KLHL30: variants seen among roughly 807,000 people sequenced by gnomAD.
KLHL30 encodes kelch-like protein 30.
A neutral mutation model predicts 55.0 loss-of-function variants in KLHL30; 55 were observed. The ratio of observed to expected loss-of-function variants is 1.00; its 90% CI spans 0.80 to 1.25. The LOEUF (loss-of-function observed/expected upper bound fraction) is 1.25. Ranked by LOEUF, KLHL30 falls within the 50% of genes most tolerant of loss-of-function variation. The probability of loss-of-function intolerance (pLI) is 0.00; values close to 1 mark genes in which losing one functional copy is unlikely to be tolerated. For synonymous variants in KLHL30, 356 were observed against 372.6 expected (o/e 0.96, Z 0.51); for missense variants, 786 against 811.6 (o/e 0.97, Z 0.38).
chr2:238,143,703 G>A (rs1243985641), intron 3 of KLHL30, among the ~76,000 whole-genome samples: 1 of 152,262 alleles, frequency 6.6e-6, no homozygotes, highest in African/African-American at 2.4e-5. Context: ...GAGGCCAGCT[G>A]TTCGGGTCAG....
rs1386535115 is a variant in KLHL30 at position 238,141,442 on chromosome 2, C to A, written c.688C>A (p.Pro230Thr). The A allele has an allele frequency of 6.5e-7, 1 of 1,545,334 alleles. No individual in the cohort carries two copies. Among genetic ancestry groups the A allele is most frequent in the Non-Finnish European group, 8.7e-7 (1 of 1,151,546 alleles). The change falls in exon 2 of 8, where the codon CCC becomes ACC. Residue 230 changes from proline (P) to threonine (T), a missense_variant. Physicochemically the swap from Pro to Thr is conservative, Grantham distance 38. Transcript: ENST00000409223. ...AGTGCACCTGGACGCCGTGCCCAGG[C>A]CCTGCGTGCAGCAACTGCTGGCCTC... is the stretch of plus-strand genomic sequence containing the variant. ...SLVHLDAVPR[P>T]CVQQLLASEP... is the part of the protein sequence containing the mutation.
Position 238,140,853 on chromosome 2 carries a change from C to G in KLHL30, c.99C>G (p.Ala33=), listed in dbSNP as rs575723025. 6.8e-6 allele frequency: 11 copies of G among 1,610,690 alleles called. No individual in the cohort carries two copies. In the Admixed American group the frequency reaches 1.3e-4, roughly 20 times the overall value. The change falls in exon 2 of 8, where the codon GCC becomes GCG. Residue 33 remains alanine, a synonymous_variant. Coordinates refer to ENST00000409223, the MANE Select transcript of KLHL30 (RefSeq NM_198582.4). ...LQRLRSQPKL[A]DVTLLVGGRE... ...GCCTGCGCTCTCAGCCCAAGCTGGCCGACGTCACACTGCTGGTGGGCGGCC... is the reference window on the plus strand; with the variant it reads ...GCCTGCGCTCTCAGCCCAAGCTGGCGGACGTCACACTGCTGGTGGGCGGCC...
intron 1 of KLHL30, among the ~76,000 whole-genome samples, chr2:238,139,721 C>A (rs1391698654): frequency 2.6e-5 from 4 of 152,176 alleles, no homozygotes; most frequent in Non-Finnish European, 5.9e-5. Flanking sequence ...CGCGCGGCCG[C>A]CTCTCCTGCC....
chr2:238,147,809 A>G lies in KLHL30; in HGVS notation c.1151-25A>G. 7.2e-7 allele frequency: 1 copy of G among 1,384,788 alleles called. No homozygotes were observed. Among genetic ancestry groups the G allele is most frequent in the South Asian group, 1.6e-5 (1 of 60,746 alleles). 85.8% of individuals were successfully genotyped at this position (1,384,788 alleles called of 1,614,324 possible). A position where few individuals can be genotyped will look rare whatever the true frequency, so the allele number is the denominator to read the frequency against. Reference sequence around the variant, plus strand: ...GCCTCCCCTCTCCTCCCCAGCCCTGAACTGCCCCCGCCCTCACCCCACAGG... The same window carrying G: ...GCCTCCCCTCTCCTCCCCAGCCCTGGACTGCCCCCGCCCTCACCCCACAGG... On this transcript the variant is annotated intron_variant, in intron 5 of 7. Transcript: ENST00000409223. This position sits in a 1 kb window ranked among gnomAD's most constrained non-coding sequence, Gnocchi z 5.8.
In KLHL30 at chr2:238,152,129, C is replaced by T; in HGVS notation, c.*1064C>T. ...TGGGGCTAGAAGTCAGGAGTCGGGC[C>T]CGGCCAGGCACAGGCCCTGGTGTTG... On this transcript the variant is annotated 3_prime_UTR_variant, in exon 8 of 8. Transcript: ENST00000409223. 1 of 985,478 alleles carries T rather than the reference C, an allele frequency of 1.0e-6. No homozygotes were observed. Among genetic ancestry groups the T allele is most frequent in the South Asian group, 4.7e-5 (1 of 21,292 alleles). 61.0% of individuals were successfully genotyped at this position (985,478 alleles called of 1,614,324 possible).
chr2:238,141,407 T>C lies in KLHL30; in HGVS notation c.653T>C (p.Leu218Pro), dbSNP rs756737441. The C allele has an allele frequency of 6.3e-7, 1 of 1,581,154 alleles. No homozygotes were observed. Among genetic ancestry groups the C allele is most frequent in the Non-Finnish European group, 8.6e-7 (1 of 1,169,498 alleles). Reference sequence around the variant, plus strand: ...GCCCGGGCCGCCCACCTGCCCGAGCTGCTCAGCCTAGTGCACCTGGACGCC... The same window carrying C: ...GCCCGGGCCGCCCACCTGCCCGAGCCGCTCAGCCTAGTGCACCTGGACGCC... ...PQARAAHLPE[L>P]LSLVHLDAVP... Residue 218 changes from leucine to proline, a missense_variant, in exon 2 of 8, where the codon CTG becomes CCG. Physicochemically the swap from Leu to Pro is moderately conservative, Grantham distance 98 (BLOSUM62 -3). Coordinates refer to ENST00000409223, the MANE Select transcript of KLHL30 (RefSeq NM_198582.4).
chr2:238,151,684 C>T lies in KLHL30; in HGVS notation c.*619C>T. Reference sequence around the variant, plus strand: ...GCATGTTGGTGCTGTGTTTCTGCTTCTGTGGACAAAGGAGGCCCCCACCCA... The same window carrying T: ...GCATGTTGGTGCTGTGTTTCTGCTTTTGTGGACAAAGGAGGCCCCCACCCA... On this transcript the variant is annotated 3_prime_UTR_variant, in exon 8 of 8. Coordinates refer to ENST00000409223, the MANE Select transcript of KLHL30 (RefSeq NM_198582.4). 6.3e-6 allele frequency: 1 copy of T among 159,570 alleles called. No individual in the cohort carries two copies. The highest frequency in any genetic ancestry group is 1.3e-5 in the Non-Finnish European group (1 of 74,414). 9.9% of individuals were successfully genotyped at this position (159,570 alleles called of 1,614,324 possible). A position where few individuals can be genotyped will look rare whatever the true frequency, so the allele number is the denominator to read the frequency against.
In KLHL30 at chr2:238,150,958, A is replaced by G. The variant is rs557193090; in HGVS notation, c.1630A>G (p.Thr544Ala). The G allele has an allele frequency of 1.2e-5, 19 of 1,565,598 alleles. 1 individual carries two copies. The South Asian group carries it at 2.0e-4, about 16-fold the overall frequency. The change falls in exon 8 of 8, where the codon ACC becomes GCC. Residue 544 changes from threonine (T) to alanine (A), a missense_variant. Thr to Ala is a moderately conservative substitution (Grantham distance 58). Transcript: ENST00000409223. ...CTACGACACGGTTCGGGACACCTGG[A>G]CCCGCCACGGCGCCCTGCCCCGGCT... ...EAYDTVRDTW[T>A]RHGALPRLWL...
At chr2:238,139,746 G>A (rs1312036294) in intron 1 of KLHL30, among the ~76,000 whole-genome samples, 1 of 152,216 alleles carries the variant, frequency 6.6e-6, no homozygotes, top group Non-Finnish European at 1.5e-5. Context: ...ATGGCCCCGC[G>A]AGGCGCCCCC....
At chr2:238,143,531 G>A (rs899848252) in intron 3 of KLHL30, among the ~76,000 whole-genome samples, 5 of 152,248 alleles carry the variant, frequency 3.3e-5, no homozygotes, top group Admixed American at 6.5e-5. Context: ...CCATTTGGCG[G>A]GAAAGGAGGC....
intron 7 of KLHL30, among the ~76,000 whole-genome samples, chr2:238,150,372 C>T (rs1350817847): frequency 6.6e-6 from 1 of 152,218 alleles, no homozygotes; most frequent in Non-Finnish European, 1.5e-5. Context: ...CTCCCAGGGG[C>T]ACTCCCAAGG....
At position 238,149,129 on chromosome 2, in the gene KLHL30, C is replaced by T. The variant is rs1392613986; in HGVS notation, c.1462C>T (p.Pro488Ser). ...DNTKKVYVYD[P>S]GANLWQKVQS... Reference sequence around the variant, plus strand: ...CACCAAGAAGGTCTACGTGTACGACCCCGGGGCCAACCTGTGGCAGAAGGT... The same window carrying T: ...CACCAAGAAGGTCTACGTGTACGACTCCGGGGCCAACCTGTGGCAGAAGGT... The change falls in exon 7 of 8, where the codon CCC (proline) becomes TCC (serine). Residue 488 changes from proline (P) to serine (S), a missense_variant. Pro to Ser is a moderately conservative substitution (Grantham distance 74). Coordinates refer to ENST00000409223, the MANE Select transcript of KLHL30 (RefSeq NM_198582.4). 1.9e-6 allele frequency: 3 copies of T among 1,612,934 alleles called. No individual in the cohort carries two copies. Among genetic ancestry groups the T allele is most frequent in the Admixed American group, 3.3e-5 (2 of 60,020 alleles).
Position 238,152,269 on chromosome 2 carries a change from A to C in KLHL30, c.*1204A>C. 9.3e-6 allele frequency: 9 copies of C among 971,044 alleles called. No individual in the cohort carries two copies. The highest frequency in any genetic ancestry group is 1.1e-5 in the Non-Finnish European group (9 of 817,952). 60.2% of individuals were successfully genotyped at this position (971,044 alleles called of 1,614,324 possible). A position where few individuals can be genotyped will look rare whatever the true frequency, so the allele number is the denominator to read the frequency against. On this transcript the variant is annotated 3_prime_UTR_variant, in exon 8 of 8. Transcript: ENST00000409223. Reference sequence around the variant, plus strand: ...CCCCTGGGGACCAGAGGGGCCTCTGACATCCTTGGGTTCTGAGGACGGAAA... The same window carrying C: ...CCCCTGGGGACCAGAGGGGCCTCTGCCATCCTTGGGTTCTGAGGACGGAAA...
chr2:238,146,925 G>T (rs1235223174), intron 5 of KLHL30, among the ~76,000 whole-genome samples: 1 of 149,298 alleles, frequency 6.7e-6, no homozygotes, highest in African/African-American at 2.5e-5. Flanking sequence ...AGAATCGTTT[G>T]AACCCTGGAG....
chr2:238,143,669 C>A (rs1424983959), intron 3 of KLHL30, among the ~76,000 whole-genome samples: 3 of 152,212 alleles, frequency 2.0e-5, no homozygotes, highest in South Asian at 4.1e-4. Flanking sequence ...TTGGCGTCAG[C>A]GGCTGGCAGG....
Position 238,141,128 on chromosome 2 carries a change from A to C in KLHL30, c.374A>C (p.Tyr125Ser). Residue 125 changes from tyrosine (Y) to serine (S), a missense_variant, in exon 2 of 8, where the codon TAC becomes TCC. Physicochemically the swap from Tyr to Ser is moderately radical, Grantham distance 144. Transcript: ENST00000409223. ...FPSVQKVCGRYLQQQLDAANC... is the reference protein window; with the variant it reads ...FPSVQKVCGRSLQQQLDAANC... Reference sequence around the variant, plus strand: ...TCGGTGCAGAAGGTCTGCGGCCGCTACCTGCAGCAGCAACTGGATGCCGCC... The same window carrying C: ...TCGGTGCAGAAGGTCTGCGGCCGCTCCCTGCAGCAGCAACTGGATGCCGCC... 6.2e-7 allele frequency: 1 copy of C among 1,611,194 alleles called. No homozygotes were observed. Among genetic ancestry groups the C allele is most frequent in the South Asian group, 1.1e-5 (1 of 91,020 alleles).
intron 1 of KLHL30, among the ~76,000 whole-genome samples, chr2:238,139,211 G>A (rs182853360): frequency 3.7e-4 from 56 of 152,334 alleles, no homozygotes; most frequent in African/African-American, 1.3e-3. Context: ...GCGCTCATGC[G>A]TGCCTGCCCA....
chr2:238,145,962 C>G (rs899137597), intron 5 of KLHL30, 130 bp downstream of exon 5: 17 of 1,151,088 alleles, frequency 1.5e-5, no homozygotes, highest in Non-Finnish European at 2.0e-5. Flanking sequence ...ACCCTCAGGG[C>G]TCGCTGTCTG....
At chr2:238,144,427 G>T (rs1692606175) in intron 3 of KLHL30, among the ~76,000 whole-genome samples, 1 of 99,736 alleles carries the variant, frequency 1.0e-5, no homozygotes, top group Admixed American at 1.0e-4. Flanking sequence ...AGGAAGGAAG[G>T]AAGGAAGGCA....
Sources: allele counts gnomAD v4.1 joint callset (sites outside exome capture counted in the v4.1 genomes callset), GRCh38; gene constraint gnomAD v4.1.1; non-coding constraint Gnocchi (gnomAD v3.1); transcripts MANE v1.5; gene names NCBI Gene and HGNC (gene_info 2026-07-23, HGNC 2026-07-21).